Variants in SLC41A3 observed in about 807,000 individuals in gnomAD.
The protein encoded by SLC41A3 is solute carrier family 41 member 3.
In SLC41A3, 44 loss-of-function variants were observed where a neutral mutation model predicts 45.4. The ratio of observed to expected loss-of-function variants is 0.97; its 90% CI spans 0.76 to 1.25. The LOEUF (loss-of-function observed/expected upper bound fraction) is 1.25, where lower values mean the gene tolerates loss of function less well. Among genes scored for constraint, SLC41A3 ranks in the 50% most tolerant of loss-of-function variants. SLC41A3 has a pLI of 0.00. For synonymous variants in SLC41A3, 256 were observed against 252.4 expected, an observed-to-expected ratio of 1.01 and a Z score of -0.13; for missense variants, 550 against 600.6, an observed-to-expected ratio of 0.92 and a Z score of 0.88.
At chr3:126,060,439 T>TACACACACACACACAC (rs60317078) in intron 2 of SLC41A3, among the ~76,000 whole-genome samples, 40,338 of 146,080 alleles carry the variant, frequency 0.28, 5,739 homozygotes, top group East Asian at 0.39. Flanking sequence ...GTGAGAAGGA[T>TACACACACACACACAC]ACACACACAC....
At chr3:126,043,086 T>C (rs776538758) in intron 3 of SLC41A3, among the ~76,000 whole-genome samples, 54 of 150,330 alleles carry the variant, frequency 3.6e-4, no homozygotes, top group Admixed American at 1.3e-4. Flanking sequence ...AAAAGATCAA[T>C]ACTGAGACAC....
intron 2 of SLC41A3, among the ~76,000 whole-genome samples, chr3:126,063,953 C>CCA (rs1944211483): frequency 1.4e-5 from 2 of 139,594 alleles, no homozygotes; most frequent in South Asian, 5.0e-4. Context: ...GATCCAACCC[C>CCA]CCCCCGGGGA....
chr3:126,082,313 G>C (rs531578399), intron 1 of SLC41A3, among the ~76,000 whole-genome samples: 2 of 152,226 alleles, frequency 1.3e-5, no homozygotes, highest in Non-Finnish European at 2.9e-5. Flanking sequence ...GATGCCAGTG[G>C]AGGCATTGCC....
Position 126,067,093 on chromosome 3 carries a change from GCC to G in SLC41A3, c.273+852_273+853del, listed in dbSNP as rs1170798520. On this transcript the variant is annotated intron_variant, in intron 2 of 10. Coordinates refer to ENST00000360370, the MANE Select transcript of SLC41A3 (RefSeq NM_017836.4). Reference sequence around the variant, plus strand: ...TGGGTCAGGGTCTGTGGGTTGGACCGCCCCCCCGCCCCCCGCCCCGGCCACCG... The same window carrying G: ...TGGGTCAGGGTCTGTGGGTTGGACCGCCCCCGCCCCCCGCCCCGGCCACCG... Among the ~76,000 whole-genome samples the G allele has an allele frequency of 7.9e-3, 591 of 74,498 alleles. 25 individuals are homozygous for G. The highest frequency in any genetic ancestry group is 9.2e-3 in the Non-Finnish European group (303 of 32,860). 48.9% of individuals were successfully genotyped at this position (74,498 alleles called of 152,430 possible).
chr3:126,020,871 G>T (rs1395883037), intron 6 of SLC41A3, among the ~76,000 whole-genome samples: 2 of 151,620 alleles, frequency 1.3e-5, no homozygotes, highest in Non-Finnish European at 2.9e-5. Context: ...AATCAGGTGT[G>T]TTGTTTGCTT....
At chr3:126,015,711 G>A in intron 7 of SLC41A3, 138 bp from the exon 8 acceptor site, 1 of 788,924 alleles carries the variant, frequency 1.3e-6, no homozygotes, top group East Asian at 2.7e-5. Context: ...CAAAATATCT[G>A]CTGCGGCCAA....
chr3:126,033,831 G>A (rs113267131), intron 3 of SLC41A3, among the ~76,000 whole-genome samples, 153 bp from the exon 4 acceptor site: 3 of 152,124 alleles, frequency 2.0e-5, no homozygotes, highest in African/African-American at 4.8e-5. Context: ...TCCAAACAGC[G>A]ACCTGGCCTT....
At position 126,015,543 on chromosome 3, in the gene SLC41A3, A is replaced by C. The variant is rs1467056242; in HGVS notation, c.921T>G (p.Val307=). 9 of 1,614,178 alleles carry C rather than the reference A, an allele frequency of 5.6e-6. No homozygotes were observed. The South Asian group carries it at 9.9e-5, about 18-fold the overall frequency. The change falls in exon 8 of 11, where the codon GTT becomes GTG. Residue 307 remains valine (V), a synonymous_variant. Transcript: ENST00000360370. ...CCATGCCTTTGTACTGCTGTTTAGA[A>C]ACGGTTTTGCTCAAGATGAGTCCTC... ...SFGGLILSKT[V]SKQQYKGMAI... is the part of the protein sequence containing the mutation.
chr3:126,011,701 A>C (rs536010351), intron 9 of SLC41A3, among the ~76,000 whole-genome samples: 1 of 152,354 alleles, frequency 6.6e-6, no homozygotes, highest in African/African-American at 2.4e-5. Context: ...ATGGCACCAT[A>C]CCTATACAGC....
chr3:126,095,270 G>A (rs892304448), intron 1 of SLC41A3: 7 of 681,596 alleles, frequency 1.0e-5, no homozygotes, highest in African/African-American at 1.8e-5. Flanking sequence ...GAGATTCCAG[G>A]AGGATCCCAA....
intron 9 of SLC41A3, among the ~76,000 whole-genome samples, chr3:126,011,415 A>G (rs182016169): frequency 2.8e-4 from 42 of 152,358 alleles, no homozygotes; most frequent in African/African-American, 7.0e-4. Flanking sequence ...AAACAAGGAG[A>G]GTAATAGACT....
At chr3:126,029,847 C>T (rs943188188) in intron 4 of SLC41A3, among the ~76,000 whole-genome samples, 2 of 151,984 alleles carry the variant, frequency 1.3e-5, no homozygotes, top group African/African-American at 4.8e-5. Context: ...AATAGATCAG[C>T]AGGACAGAAC....
chr3:126,039,208 A>C (rs1942414625), intron 3 of SLC41A3, among the ~76,000 whole-genome samples: 1 of 152,220 alleles, frequency 6.6e-6, no homozygotes, highest in African/African-American at 2.4e-5. Context: ...ATGGGCTAAC[A>C]CAGTCACCAA....
At chr3:126,040,886 T>G (rs1942548623) in intron 3 of SLC41A3, among the ~76,000 whole-genome samples, 1 of 152,040 alleles carries the variant, frequency 6.6e-6, no homozygotes. Context: ...AGCCTCTGAG[T>G]TTGAAACTCA....
Position 126,008,760 on chromosome 3 carries a change from A to G in SLC41A3, c.1226T>C (p.Val409Ala). Residue 409 changes from valine to alanine, a missense_variant, in exon 10 of 11, where the codon GTG becomes GCG. Val to Ala is a moderately conservative substitution (Grantham distance 64). Transcript: ENST00000360370. ...QSVINSQTFV[V>A]LYLLAGLIQV... ...GATCAGGCCTGCCAGCAGGTAGAGC[A>G]CCACAAAGGTCTGGCTGTTTATGAC... 6.2e-7 allele frequency: 1 copy of G among 1,614,064 alleles called. No homozygotes were observed. The highest frequency in any genetic ancestry group is 2.2e-5 in the East Asian group (1 of 44,878).
chr3:126,059,295 AAAGAAAGAAAGAAAGG>A lies in SLC41A3; in HGVS notation c.274-8261_274-8246del, dbSNP rs1559869959. On this transcript the variant is annotated intron_variant, in intron 2 of 10. Coordinates refer to ENST00000360370, the MANE Select transcript of SLC41A3 (RefSeq NM_017836.4). ...GAAAGAAAGAAAGAAAGAAAGAAAGAAAGAAAGAAAGAAAGGAAGGATGATCTGTGATAAGTGCTCT... is the reference window on the plus strand; with the variant it reads ...GAAAGAAAGAAAGAAAGAAAGAAAGAAAGGATGATCTGTGATAAGTGCTCT... Among the ~76,000 whole-genome samples the A allele has an allele frequency of 2.6e-3, 326 of 127,522 alleles. 13 individuals are homozygous for A. Among genetic ancestry groups the A allele is most frequent in the Non-Finnish European group, 3.6e-3 (209 of 58,294 alleles). 83.7% of individuals were successfully genotyped at this position (127,522 alleles called of 152,430 possible).
chr3:126,021,099 T>C (rs1052569682), intron 6 of SLC41A3, among the ~76,000 whole-genome samples: 7 of 152,188 alleles, frequency 4.6e-5, no homozygotes, highest in Non-Finnish European at 8.8e-5. Flanking sequence ...TTTCACCGTG[T>C]TAGCCAGGAT....
intron 4 of SLC41A3, among the ~76,000 whole-genome samples, chr3:126,028,752 A>C (rs570954416): frequency 1.3e-5 from 2 of 152,370 alleles, no homozygotes; most frequent in Middle Eastern, 3.4e-3. Flanking sequence ...AGAGCAGCAG[A>C]CAGGGCGGAA....
At chr3:126,036,415 T>C (rs1368214822) in intron 3 of SLC41A3, among the ~76,000 whole-genome samples, 3 of 152,176 alleles carry the variant, frequency 2.0e-5, no homozygotes, top group Admixed American at 2.0e-4. Context: ...GTATGACCCC[T>C]GCACCCTTCC....
Sources: allele counts gnomAD v4.1 joint callset (sites outside exome capture counted in the v4.1 genomes callset), GRCh38; gene constraint gnomAD v4.1.1; transcripts MANE v1.5; gene names NCBI Gene and HGNC (gene_info 2026-07-23, HGNC 2026-07-21).